ESAM: variants seen among roughly 807,000 people sequenced by gnomAD.
The protein encoded by ESAM is endothelial cell adhesion molecule.
A neutral mutation model predicts 31.8 loss-of-function variants in ESAM; 23 were observed. That is an observed-to-expected ratio of 0.72 (90% confidence interval 0.52 to 1.03). The LOEUF is 1.03. Ranked by LOEUF, ESAM falls within the 50% of genes least tolerant of loss-of-function variation. The pLI is 0.00. For missense variants in ESAM, 478 were observed against 488.9 expected (o/e 0.98, Z 0.21); for synonymous variants, 216 against 207.2 (o/e 1.04, Z -0.37).
rs183999160 is a variant in ESAM, at chr11:124,756,719, G to A, written c.273C>T (p.Val91=). ...EDQVLSYING[V]TTSKPGVSLV... is the part of the protein sequence containing the mutation. ...AGGATACTCCAGGTTTGCTTGTTGT[G>A]ACCCCATTGATGTAGGACAACACCT... Residue 91 remains valine (V), a synonymous_variant, in exon 3 of 7, where the codon GTC becomes GTT. Transcript: ENST00000278927. 1.1e-5 allele frequency: 17 copies of A among 1,614,104 alleles called. No homozygotes were observed. The highest frequency in any genetic ancestry group is 8.3e-5 in the Admixed American group (5 of 60,012).
In ESAM at chr11:124,754,882, T is replaced by C; in HGVS notation, c.608-119A>G. 7.5e-7 allele frequency: 1 copy of C among 1,331,922 alleles called. No homozygotes were observed. Among genetic ancestry groups the C allele is most frequent in the Non-Finnish European group, 1.0e-6 (1 of 988,024 alleles). 82.5% of individuals were successfully genotyped at this position (1,331,922 alleles called of 1,614,324 possible). On this transcript the variant is annotated intron_variant, in intron 4 of 6. Coordinates refer to ENST00000278927, the MANE Select transcript of ESAM (RefSeq NM_138961.3). This position sits in a 1 kb window ranked among gnomAD's most constrained non-coding sequence, Gnocchi z 4.5. ...CCTCTGGGAGTCACGGCTTGTCTAT[T>C]CCCTGATGGGGGGAGAGGTGTGACA...
intron 1 of ESAM, among the ~76,000 whole-genome samples, chr11:124,760,254 G>A (rs1192853700): frequency 6.6e-6 from 1 of 152,192 alleles, no homozygotes; most frequent in Admixed American, 6.5e-5. Flanking sequence ...TCACCAACTG[G>A]TCCGTTTTTT....
chr11:124,756,120 C>T, intron 4 of ESAM, 87 bp downstream of exon 4: 2 of 1,571,924 alleles, frequency 1.3e-6, no homozygotes, highest in Non-Finnish European at 8.7e-7. Flanking sequence ...TCAGCCTTGG[C>T]TCCCCTTTTC....
chr11:124,756,618 C>T lies in ESAM; in HGVS notation c.374G>A (p.Ser125Asn). Residue 125 changes from serine to asparagine, a missense_variant, in exon 3 of 7, where the codon AGC (serine) becomes AAC (asparagine). By Grantham distance (46) the Ser-to-Asn change is conservative. Transcript: ENST00000278927. ...TTTGTCTTGCACATTCACGGAGCAGCTGTAGGGGCCAGAGTCTTTCTCCTG... is the reference window on the plus strand; with the variant it reads ...TTTGTCTTGCACATTCACGGAGCAGTTGTAGGGGCCAGAGTCTTTCTCCTG... ...GLQEKDSGPY[S>N]CSVNVQDKQG... The T allele has an allele frequency of 6.2e-7, 1 of 1,614,176 alleles. No homozygotes were observed. Among genetic ancestry groups the T allele is most frequent in the Non-Finnish European group, 8.5e-7 (1 of 1,180,026 alleles).
rs1266427156 is a variant in ESAM, at chr11:124,758,362, T to C, written c.236A>G (p.Glu79Gly). The change falls in exon 2 of 7, where the codon GAA becomes GGA. Residue 79 changes from glutamate to glycine, a missense_variant. By Grantham distance (98) the Glu-to-Gly change is moderately conservative. Transcript: ENST00000278927. ...TTCTTCCCTCACCTGATCCTCCTTT[T>C]CTTTCTGTTTGAAGAACCACATCAC... is the stretch of plus-strand genomic sequence containing the variant. ...PFVMWFFKQK[E>G]KEDQVLSYIN... 1.5e-5 allele frequency: 24 copies of C among 1,614,156 alleles called. No individual in the cohort carries two copies. The highest frequency in any genetic ancestry group is 2.0e-5 in the Non-Finnish European group (24 of 1,180,024).
At position 124,754,196 on chromosome 11, in the gene ESAM, G is replaced by T. The variant is rs1436562932; in HGVS notation, c.857+18C>A. 1.9e-6 allele frequency: 3 copies of T among 1,611,450 alleles called. No individual in the cohort carries two copies. The highest frequency in any genetic ancestry group is 2.7e-5 in the African/African-American group (2 of 74,846). On this transcript the variant is annotated intron_variant, in intron 6 of 6. Coordinates refer to ENST00000278927, the MANE Select transcript of ESAM (RefSeq NM_138961.3). The surrounding 1 kb of genome is among the most constrained non-coding windows in gnomAD (Gnocchi z 4.5). ...AGCTGGGAGAGCCCCCGCTGCAGCAGACACCAGGGACACTTACTTGATATC... is the reference window on the plus strand; with the variant it reads ...AGCTGGGAGAGCCCCCGCTGCAGCATACACCAGGGACACTTACTTGATATC...
intron 1 of ESAM, 65 bp from the exon 2 acceptor site, chr11:124,758,592 C>T: frequency 7.0e-7 from 1 of 1,436,202 alleles, no homozygotes; most frequent in Non-Finnish European, 9.1e-7. Flanking sequence ...GGACCCTGCC[C>T]TACGCGGCTT....
rs936487837 is a variant in ESAM at position 124,756,596 on chromosome 11, G to A, written c.396C>T (p.Asp132=). The stretch of plus-strand genomic sequence containing the variant: ...TGTGGCCCCTAGATTTGCCTTGTTT[G>A]TCTTGCACATTCACGGAGCAGCTGT... ...GPYSCSVNVQ[D]KQGKSRGHSI... is the part of the protein sequence containing the mutation. Residue 132 remains aspartate (D), a synonymous_variant, in exon 3 of 7, where the codon GAC becomes GAT. Transcript: ENST00000278927. 2.5e-6 allele frequency: 4 copies of A among 1,614,010 alleles called. No homozygotes were observed.
chr11:124,761,976 A>G, intron 1 of ESAM, 109 bp downstream of exon 1: 2 of 955,264 alleles, frequency 2.1e-6, no homozygotes, highest in Non-Finnish European at 3.3e-6. Flanking sequence ...TCAGGGGAGG[A>G]GGGCGAGTCG....
Position 124,756,705 on chromosome 11 carries a change from G to T in ESAM, c.287C>A (p.Pro96His). The T allele has an allele frequency of 6.2e-7, 1 of 1,614,182 alleles. No individual in the cohort carries two copies. Among genetic ancestry groups the T allele is most frequent in the Non-Finnish European group, 8.5e-7 (1 of 1,180,044 alleles). Residue 96 changes from proline (P) to histidine (H), a missense_variant, in exon 3 of 7, where the codon CCT becomes CAT. Transcript: ENST00000278927. ...SYINGVTTSK[P>H]GVSLVYSMPS... ...CATGGAGTAGACCAAGGATACTCCA[G>T]GTTTGCTTGTTGTGACCCCATTGAT...
At chr11:124,760,889 G>T (rs1174495328) in intron 1 of ESAM, among the ~76,000 whole-genome samples, 1 of 152,212 alleles carries the variant, frequency 6.6e-6, no homozygotes, top group Non-Finnish European at 1.5e-5. Context: ...GGGAAAGGCG[G>T]GATGAGAAGT....
chr11:124,762,212 A>G lies in ESAM; in HGVS notation c.-58T>C. 1 of 1,390,468 alleles carries G rather than the reference A, an allele frequency of 7.2e-7. No homozygotes were observed. Among genetic ancestry groups the G allele is most frequent in the South Asian group, 1.3e-5 (1 of 74,594 alleles). 86.1% of individuals were successfully genotyped at this position (1,390,468 alleles called of 1,614,324 possible). A position where few individuals can be genotyped will look rare whatever the true frequency, so the allele number is the denominator to read the frequency against. On this transcript the variant is annotated 5_prime_UTR_variant, in exon 1 of 7. Coordinates refer to ENST00000278927, the MANE Select transcript of ESAM (RefSeq NM_138961.3). The surrounding 1 kb of genome is among the most constrained non-coding windows in gnomAD (Gnocchi z 6.4). ...CCAGCCGCGGGACGCACGGACCTGC[A>G]GGTGCCGAGGCTGCGCGACGGCCGG...
rs1944182287 is a variant in ESAM at position 124,758,409 on chromosome 11, G to C, written c.189C>G (p.Ser63=). 8 of 1,614,110 alleles carry C rather than the reference G, an allele frequency of 5.0e-6. No individual in the cohort carries two copies. The highest frequency in any genetic ancestry group is 5.1e-6 in the Non-Finnish European group (6 of 1,180,014). The change falls in exon 2 of 7, where the codon TCC becomes TCG. Residue 63 remains serine (S), a synonymous_variant. Transcript: ENST00000278927. Reference sequence around the variant, plus strand: ...TCACAAAGGGCACCTCCCATGGCTGGGATGAAGACACCTCCCCGTGCAAGG... The same window carrying C: ...TCACAAAGGGCACCTCCCATGGCTGCGATGAAGACACCTCCCCGTGCAAGG... ...WYTLHGEVSS[S]QPWEVPFVMW...
At chr11:124,758,577 C>T (rs890351148) in intron 1 of ESAM, 50 bp from the exon 2 acceptor site, 2 of 1,453,178 alleles carry the variant, frequency 1.4e-6, no homozygotes, top group Non-Finnish European at 1.8e-6. Flanking sequence ...CCCAGCTCCG[C>T]CCGCGGACCC....
In ESAM at chr11:124,756,195, T is replaced by C. The variant is rs202017012; in HGVS notation, c.607+12A>G. ...CAGCCACAGTGTCCACTGTTTCCAG[T>C]AGTGTCCTCACCTAATGCTGGTGCA... is the stretch of plus-strand genomic sequence containing the variant. On this transcript the variant is annotated intron_variant, in intron 4 of 6. Transcript: ENST00000278927. 5.0e-6 allele frequency: 8 copies of C among 1,612,908 alleles called. No homozygotes were observed. Among genetic ancestry groups the C allele is most frequent in the Non-Finnish European group, 6.8e-6 (8 of 1,179,940 alleles).
At chr11:124,757,062 G>A (rs924927736) in intron 2 of ESAM, 2 of 277,816 alleles carry the variant, frequency 7.2e-6, no homozygotes, top group Non-Finnish European at 1.4e-5. Flanking sequence ...TGCTGGGGTG[G>A]ATCCAGGTTT....
In ESAM at chr11:124,754,253, C is replaced by A. The variant is rs548139791; in HGVS notation, c.818G>T (p.Arg273Leu). Residue 273 changes from arginine to leucine, a missense_variant, in exon 6 of 7, where the codon CGC becomes CTC. By Grantham distance (102) the Arg-to-Leu change is moderately radical (BLOSUM62 -2). Coordinates refer to ENST00000278927, the MANE Select transcript of ESAM (RefSeq NM_138961.3). This position sits in a 1 kb window ranked among gnomAD's most constrained non-coding sequence, Gnocchi z 4.5. ...TGGCTCCTCCAGGGCCTTGCCCCGG[C>A]GGTGGTACAAGAGGACCAGCCCAGC... ...LLAGLVLLYH[R>L]RGKALEEPAN... The A allele has an allele frequency of 1.2e-6, 2 of 1,613,994 alleles. No homozygotes were observed. The highest frequency in any genetic ancestry group is 4.5e-5 in the East Asian group (2 of 44,844).
Position 124,753,723 on chromosome 11 carries a change from A to T in ESAM, c.1096T>A (p.Ser366Thr), listed in dbSNP as rs1470036132. The change falls in exon 7 of 7, where the codon TCT (serine) becomes ACT (threonine). Residue 366 changes from serine (S) to threonine (T), a missense_variant. Transcript: ENST00000278927. ...CCCATGCGGCTCAAGCCAGAGGAAG[A>T]AACCCCACCAGGGATGGGGGATATT... The part of the protein sequence containing the change: ...QPISPIPGGV[S>T]SSGLSRMGAV... The T allele has an allele frequency of 1.2e-6, 2 of 1,614,014 alleles. No individual in the cohort carries two copies. The highest frequency in any genetic ancestry group is 2.7e-5 in the African/African-American group (2 of 74,938).
At position 124,758,431 on chromosome 11, in the gene ESAM, A is replaced by G; in HGVS notation, c.167T>C (p.Leu56Ser). 1 of 1,614,122 alleles carries G rather than the reference A, an allele frequency of 6.2e-7. No homozygotes were observed. Among genetic ancestry groups the G allele is most frequent in the Non-Finnish European group, 8.5e-7 (1 of 1,180,018 alleles). ...CTGGGATGAAGACACCTCCCCGTGCAAGGTGTACCACGCTGGAAGCACCAC... is the reference window on the plus strand; with the variant it reads ...CTGGGATGAAGACACCTCCCCGTGCGAGGTGTACCACGCTGGAAGCACCAC... ...GEVVLPAWYT[L>S]HGEVSSSQPW... The change falls in exon 2 of 7, where the codon TTG becomes TCG. Residue 56 changes from leucine (L) to serine (S), a missense_variant. Coordinates refer to ENST00000278927, the MANE Select transcript of ESAM (RefSeq NM_138961.3).
Sources: gnomAD v4.1 joint callset for allele counts (sites outside exome capture counted in the v4.1 genomes callset) on GRCh38, gnomAD v4.1.1 for gene constraint, Gnocchi (gnomAD v3.1) non-coding constraint, MANE v1.5 for transcripts, NCBI Gene and HGNC (gene_info 2026-07-23, HGNC 2026-07-21) for gene names.